HHAT: variants seen among roughly 807,000 people sequenced by gnomAD.
The protein encoded by HHAT is hedgehog acyltransferase, also known as protein-cysteine N-palmitoyltransferase HHAT.
In HHAT, 47 loss-of-function variants were observed where a neutral mutation model predicts 70.8. That is an observed-to-expected ratio of 0.66 (90% CI 0.53 to 0.85). The LOEUF (loss-of-function observed/expected upper bound fraction) is 0.85, where lower values mean the gene tolerates loss of function less well. HHAT is among the 40% of genes least tolerant of loss of function. The probability of loss-of-function intolerance (pLI) is 0.00; values close to 1 mark genes in which losing one functional copy is unlikely to be tolerated. For synonymous variants in HHAT, 228 were observed against 247.6 expected (o/e 0.92, Z 0.74); for missense variants, 609 against 604.8 (o/e 1.01, Z -0.07).
At chr1:210,616,057 C>A (rs1328521620) in intron 10 of HHAT, among the ~76,000 whole-genome samples, 2 of 152,104 alleles carry the variant, frequency 1.3e-5, no homozygotes, top group Non-Finnish European at 2.9e-5. Context: ...TTGGAACTGC[C>A]CCCCACTTTA....
At chr1:210,334,296 C>T (rs925652550) in intron 1 of HHAT, among the ~76,000 whole-genome samples, 2 of 150,682 alleles carry the variant, frequency 1.3e-5, no homozygotes, top group Non-Finnish European at 2.9e-5. Context: ...GCTGGGGCTA[C>T]TGGCATGCAA....
intron 9 of HHAT, among the ~76,000 whole-genome samples, chr1:210,517,682 G>A (rs2095081384): frequency 6.6e-6 from 1 of 152,074 alleles, no homozygotes; most frequent in African/African-American, 2.4e-5. Context: ...GCTAAGACAG[G>A]AGATTTTAGG....
At chr1:210,468,083 C>T (rs2094139251) in intron 8 of HHAT, among the ~76,000 whole-genome samples, 1 of 152,148 alleles carries the variant, frequency 6.6e-6, no homozygotes, top group Non-Finnish European at 1.5e-5. Flanking sequence ...CATATAATTT[C>T]TGCTCAGATT....
intron 11 of HHAT, among the ~76,000 whole-genome samples, chr1:210,663,346 T>C (rs1678167675): frequency 6.6e-6 from 1 of 152,038 alleles, no homozygotes; most frequent in South Asian, 2.1e-4. Context: ...AGGCCAAGGA[T>C]TTAAAGGAAA....
intron 10 of HHAT, among the ~76,000 whole-genome samples, chr1:210,599,974 A>G (rs1258027159): frequency 1.3e-5 from 2 of 151,986 alleles, no homozygotes; most frequent in Non-Finnish European, 2.9e-5. Flanking sequence ...CAGCTCCCCA[A>G]CACAGGTACT....
intron 7 of HHAT, among the ~76,000 whole-genome samples, chr1:210,452,107 G>A (rs1343969331): frequency 6.6e-6 from 1 of 152,196 alleles, no homozygotes; most frequent in Non-Finnish European, 1.5e-5. Context: ...GTTATAGAAA[G>A]ATATTCTTCT....
At chr1:210,423,554 A>G (rs944354626) in intron 7 of HHAT, among the ~76,000 whole-genome samples, 9 of 152,056 alleles carry the variant, frequency 5.9e-5, no homozygotes, top group African/African-American at 2.2e-4. Flanking sequence ...GAAGCTTTTT[A>G]GTTTGATATA....
At position 210,446,409 on chromosome 1, in the gene HHAT, A is replaced by G. The variant is rs189185898; in HGVS notation, c.857-18096A>G. On this transcript the variant is annotated intron_variant, in intron 7 of 11. Transcript: ENST00000261458. ...TACCAATCACTGGATGCTAGGAATA[A>G]TGGGACGATCAGGACTTTGGGATTG... is the stretch of plus-strand genomic sequence containing the variant. 2.0e-3 allele frequency among the ~76,000 whole-genome samples: 299 copies of G among 152,332 alleles called. 6 individuals carry two copies. Among genetic ancestry groups the G allele is most frequent in the Admixed American group, 0.017 (259 of 15,300 alleles).
At chr1:210,625,319 G>A (rs1417093034) in intron 11 of HHAT, among the ~76,000 whole-genome samples, 1 of 152,164 alleles carries the variant, frequency 6.6e-6, no homozygotes, top group Non-Finnish European at 1.5e-5. Context: ...AGAACATTGT[G>A]ACTTGGTGGG....
intron 1 of HHAT, among the ~76,000 whole-genome samples, chr1:210,343,352 T>A (rs2015743): frequency 7.2e-5 from 11 of 152,068 alleles, no homozygotes; most frequent in Admixed American, 1.3e-4. Flanking sequence ...AAATAGTTAC[T>A]TTTAAGTTTT....
intron 6 of HHAT, among the ~76,000 whole-genome samples, chr1:210,409,013 C>T (rs1051032493): frequency 1.3e-5 from 2 of 152,112 alleles, no homozygotes; most frequent in Non-Finnish European, 2.9e-5. Flanking sequence ...AGGTATGCAT[C>T]ACCACACCTG....
intron 8 of HHAT, among the ~76,000 whole-genome samples, chr1:210,496,973 A>G (rs1054979716): frequency 2.6e-5 from 4 of 152,186 alleles, no homozygotes; most frequent in Admixed American, 6.5e-5. Flanking sequence ...ATCTGTGGCC[A>G]TATTTTATGT....
intron 11 of HHAT, among the ~76,000 whole-genome samples, chr1:210,669,891 G>C (rs527455461): frequency 3.9e-4 from 59 of 152,272 alleles, no homozygotes; most frequent in African/African-American, 1.4e-3. Flanking sequence ...TATGTATGTT[G>C]GGAGGATGCC....
intron 2 of HHAT, among the ~76,000 whole-genome samples, chr1:210,353,657 A>G (rs2087296873): frequency 6.6e-6 from 1 of 151,870 alleles, no homozygotes; most frequent in Non-Finnish European, 1.5e-5. Flanking sequence ...GTGTTTCATT[A>G]TTTTATATTT....
intron 11 of HHAT, among the ~76,000 whole-genome samples, chr1:210,652,689 G>A (rs1389246535): frequency 2.4e-5 from 3 of 123,542 alleles, no homozygotes; most frequent in Non-Finnish European, 3.6e-5. Flanking sequence ...GAAAAAGGCA[G>A]CAGCCTGTAA....
At chr1:210,623,298 T>C (rs952196466) in intron 10 of HHAT, among the ~76,000 whole-genome samples, 3 of 152,174 alleles carry the variant, frequency 2.0e-5, no homozygotes, top group Non-Finnish European at 2.9e-5. Context: ...GGTCTTGAAC[T>C]CCTGGGCCCA....
At chr1:210,533,883 G>C (rs972031153) in intron 9 of HHAT, among the ~76,000 whole-genome samples, 1 of 152,074 alleles carries the variant, frequency 6.6e-6, no homozygotes, top group Non-Finnish European at 1.5e-5. Flanking sequence ...CTGACTCCAA[G>C]AACAAAAAAG....
In HHAT at chr1:210,623,518, T is replaced by C; in HGVS notation, c.1246-8T>C. 2 of 1,613,904 alleles carry C rather than the reference T, an allele frequency of 1.2e-6. No individual in the cohort carries two copies. The highest frequency in any genetic ancestry group is 1.1e-5 in the South Asian group (1 of 90,994). Reference sequence around the variant, plus strand: ...TCATGAGATGCTTTCTTGCCATTTTTCCCGTAGGCCCGATACTTCTCCCCA... The same window carrying C: ...TCATGAGATGCTTTCTTGCCATTTTCCCCGTAGGCCCGATACTTCTCCCCA... On this transcript the variant is annotated splice_region_variant and splice_polypyrimidine_tract_variant and intron_variant, in intron 10 of 11. Transcript: ENST00000261458.
chr1:210,352,007 TGAG>T (rs1287325413), intron 2 of HHAT, among the ~76,000 whole-genome samples: 1 of 152,212 alleles, frequency 6.6e-6, no homozygotes, highest in Non-Finnish European at 1.5e-5. Context: ...TTTACCCACA[TGAG>T]GACACTGAGG....
Sources: gnomAD v4.1 joint callset for allele counts (sites outside exome capture counted in the v4.1 genomes callset) on GRCh38, gnomAD v4.1.1 for gene constraint, MANE v1.5 for transcripts, NCBI Gene and HGNC (gene_info 2026-07-23, HGNC 2026-07-21) for gene names.